Variants in EPHA5 observed in about 807,000 individuals in gnomAD.
EPHA5 encodes the protein ephrin type-A receptor 5.
EPHA5 carries 60 observed loss-of-function variants against 105.0 expected under a neutral mutation model. The observed-to-expected ratio is 0.57, with a 90% CI of 0.46 to 0.71. The LOEUF (loss-of-function observed/expected upper bound fraction) is 0.71. EPHA5 is among the 30% of genes least tolerant of loss of function. EPHA5 has a pLI of 0.00. For synonymous variants in EPHA5, 513 were observed against 449.1 expected (o/e 1.14, Z -1.80); for missense variants, 1,218 against 1,274.7 (o/e 0.96, Z 0.68).
At chr4:65,445,504 T>C (rs1283624286) in intron 5 of EPHA5, among the ~76,000 whole-genome samples, 1 of 152,104 alleles carries the variant, frequency 6.6e-6, no homozygotes, top group Admixed American at 6.6e-5. Context: ...TTCGTAGTAA[T>C]GAAGATGCCA....
intron 3 of EPHA5, among the ~76,000 whole-genome samples, chr4:65,517,831 A>G (rs1282542515): frequency 6.6e-6 from 1 of 151,992 alleles, no homozygotes; most frequent in African/African-American, 2.4e-5. Flanking sequence ...AAAGTTTTTC[A>G]AAGTTTAACA....
intron 2 of EPHA5, among the ~76,000 whole-genome samples, chr4:65,638,909 C>T (rs1442923082): frequency 6.6e-6 from 1 of 152,156 alleles, no homozygotes; most frequent in Non-Finnish European, 1.5e-5. Context: ...CTTACTGATT[C>T]AAATTATACT....
At chr4:65,380,917 G>T (rs929302316) in intron 8 of EPHA5, among the ~76,000 whole-genome samples, 2 of 151,700 alleles carry the variant, frequency 1.3e-5, no homozygotes, top group Non-Finnish European at 2.9e-5. Flanking sequence ...CATGGGGTTT[G>T]TAGTCAAACT....
chr4:65,563,996 A>C (rs1301276199), intron 3 of EPHA5, among the ~76,000 whole-genome samples: 1 of 151,964 alleles, frequency 6.6e-6, no homozygotes, highest in Non-Finnish European at 1.5e-5. Context: ...CCTTTATCAA[A>C]GGATTTGGTG....
intron 3 of EPHA5, among the ~76,000 whole-genome samples, chr4:65,533,047 T>G (rs1054636759): frequency 2.6e-5 from 4 of 152,176 alleles, no homozygotes; most frequent in Non-Finnish European, 5.9e-5. Context: ...CAGTCAAACT[T>G]TCCATTAATA....
At chr4:65,626,100 C>T (rs1324870625) in intron 2 of EPHA5, among the ~76,000 whole-genome samples, 37 of 131,438 alleles carry the variant, frequency 2.8e-4, no homozygotes, top group Middle Eastern at 4.3e-3. Flanking sequence ...CACTCCGTCT[C>T]AAAAAAAAAA....
chr4:65,476,117 A>AGTGTGTGT lies in EPHA5; in HGVS notation c.1402+14259_1402+14260insACACACAC, dbSNP rs1293931481. ...AAATCACTGAGAGAGAGAGAGAGAG[A>AGTGTGTGT]GAGAGAGAGAGTGTGTGTGTGTGTG... On this transcript the variant is annotated intron_variant, in intron 5 of 16. Transcript: ENST00000613740. Among the ~76,000 whole-genome samples the AGTGTGTGT allele has an allele frequency of 8.0e-3, 1,025 of 127,788 alleles. 8 individuals carry two copies. The highest frequency in any genetic ancestry group is 0.011 in the Admixed American group (134 of 12,332). 83.8% of individuals were successfully genotyped at this position (127,788 alleles called of 152,430 possible).
chr4:65,611,251 T>C (rs1485459538), intron 2 of EPHA5, among the ~76,000 whole-genome samples: 6 of 152,128 alleles, frequency 3.9e-5, no homozygotes, highest in Non-Finnish European at 8.8e-5. Flanking sequence ...TTTCAGTATA[T>C]ATTTCAATAT....
At chr4:65,652,795 T>C (rs1748726814) in intron 1 of EPHA5, among the ~76,000 whole-genome samples, 1 of 152,092 alleles carries the variant, frequency 6.6e-6, no homozygotes, top group Admixed American at 6.6e-5. Flanking sequence ...AGACATTAGG[T>C]TTTCCTGGAA....
chr4:65,538,822 C>G (rs990313251), intron 3 of EPHA5, among the ~76,000 whole-genome samples: 7 of 151,654 alleles, frequency 4.6e-5, no homozygotes, highest in African/African-American at 1.7e-4. Context: ...AAAGCTAAAG[C>G]CACTGCTCTG....
At chr4:65,509,389 T>C (rs1304958842) in intron 3 of EPHA5, among the ~76,000 whole-genome samples, 1 of 152,154 alleles carries the variant, frequency 6.6e-6, no homozygotes, top group Non-Finnish European at 1.5e-5. Context: ...CCAGAGTCTA[T>C]ATTTGTGTCC....
At position 65,416,976 on chromosome 4, in the gene EPHA5, C is replaced by A. The variant is rs376658040; in HGVS notation, c.1528-2533G>T. Among the ~76,000 whole-genome samples, 19 of 152,312 alleles carry A rather than the reference C, an allele frequency of 1.2e-4. No homozygotes were observed. In the South Asian group the frequency reaches 3.7e-3, roughly 30 times the overall value. On this transcript the variant is annotated intron_variant, in intron 6 of 16. Coordinates refer to ENST00000613740, the MANE Select transcript of EPHA5 (RefSeq NM_001281766.3). ...CCTGCTGCCAAGTCCTTGGTCAGGG[C>A]AGTGACTTTTCCTGCCTTCGTGCCC...
intron 7 of EPHA5, 26 bp from the exon 8 acceptor site, chr4:65,404,505 C>T (rs1338931317): frequency 6.2e-7 from 1 of 1,604,916 alleles, no homozygotes; most frequent in Non-Finnish European, 8.5e-7. Flanking sequence ...GAAAATGGAG[C>T]TTGTGGTTAA....
rs531435868 is a variant in EPHA5 at position 65,605,603 on chromosome 4, C to T, written c.247-3299G>A. On this transcript the variant is annotated intron_variant, in intron 2 of 16. Coordinates refer to ENST00000613740, the MANE Select transcript of EPHA5 (RefSeq NM_001281766.3). Reference sequence around the variant, plus strand: ...TTAACCTTTCAAGTTATTAGGGGTGCCCATTATCTAGTTCTGTTTTCATTA... The same window carrying T: ...TTAACCTTTCAAGTTATTAGGGGTGTCCATTATCTAGTTCTGTTTTCATTA... Among the ~76,000 whole-genome samples the T allele has an allele frequency of 2.4e-4, 36 of 152,190 alleles. No individual in the cohort carries two copies. In the South Asian group the frequency reaches 6.0e-3, roughly 25 times the overall value.
At chr4:65,621,715 G>T (rs902579747) in intron 2 of EPHA5, among the ~76,000 whole-genome samples, 1 of 151,996 alleles carries the variant, frequency 6.6e-6, no homozygotes, top group African/African-American at 2.4e-5. Flanking sequence ...CCAAATGTTG[G>T]GTTATTTTCA....
At chr4:65,669,293 CAAGGTTT>C in intron 1 of EPHA5, 5 of 736,342 alleles carry the variant, frequency 6.8e-6, no homozygotes, top group Non-Finnish European at 8.3e-6. Context: ...TCCTTTCCCC[CAAGGTTT>C]TCCACCTTCC....
intron 3 of EPHA5, among the ~76,000 whole-genome samples, chr4:65,523,055 A>G (rs912303438): frequency 6.6e-6 from 1 of 151,932 alleles, no homozygotes; most frequent in Non-Finnish European, 1.5e-5. Context: ...TAATTTTTTC[A>G]TGCTCTATTT....
chr4:65,511,199 A>T (rs187035286), intron 3 of EPHA5, among the ~76,000 whole-genome samples: 1 of 152,164 alleles, frequency 6.6e-6, no homozygotes, highest in Admixed American at 6.6e-5. Flanking sequence ...CAAGCTGACT[A>T]ATGTTACATT....
chr4:65,519,238 A>T (rs549316169), intron 3 of EPHA5, among the ~76,000 whole-genome samples: 18 of 152,152 alleles, frequency 1.2e-4, no homozygotes, highest in Non-Finnish European at 1.3e-4. Context: ...CAAATCAATA[A>T]CTGTAAACCA....
Sources: gnomAD v4.1 joint callset for allele counts (sites outside exome capture counted in the v4.1 genomes callset) on GRCh38, gnomAD v4.1.1 for gene constraint, MANE v1.5 for transcripts, NCBI Gene and HGNC (gene_info 2026-07-23, HGNC 2026-07-21) for gene names.